Variants in GNG7 observed in about 807,000 individuals in gnomAD.
The protein encoded by GNG7 is G protein subunit gamma 7, also known as guanine nucleotide-binding protein G(I)/G(S)/G(O) subunit gamma-7.
Under a neutral mutation model 4.0 loss-of-function variants are expected in GNG7, and 1 was observed. That is an observed-to-expected ratio of 0.25 (90% CI 0.09 to 1.18). The LOEUF is 1.18. Ranked by LOEUF, GNG7 falls within the 50% of genes most tolerant of loss-of-function variation. The probability of loss-of-function intolerance (pLI) is 0.50; values close to 1 mark genes in which losing one functional copy is unlikely to be tolerated. For synonymous variants in GNG7, 34 were observed against 36.9 expected (o/e 0.92, Z 0.29); for missense variants, 86 against 91.9 (o/e 0.94, Z 0.26).
At chr19:2,553,594 T>C (rs968683585) in intron 3 of GNG7, among the ~76,000 whole-genome samples, 1 of 149,068 alleles carries the variant, frequency 6.7e-6, no homozygotes, top group Admixed American at 6.9e-5. Context: ...CACGCACATA[T>C]TACATGCAAT....
chr19:2,628,906 A>G (rs1195607561), intron 2 of GNG7, among the ~76,000 whole-genome samples: 2 of 152,264 alleles, frequency 1.3e-5, no homozygotes, highest in Middle Eastern at 3.4e-3. Flanking sequence ...TAACCACTGG[A>G]GTGACACCCC....
chr19:2,606,357 G>C (rs565486021), intron 2 of GNG7, among the ~76,000 whole-genome samples: 2 of 151,722 alleles, frequency 1.3e-5, no homozygotes, highest in South Asian at 4.2e-4. Flanking sequence ...GCGTGACAAA[G>C]TTAGACTCTG....
At chr19:2,535,819 A>G (rs1486762238) in intron 3 of GNG7, among the ~76,000 whole-genome samples, 2 of 152,102 alleles carry the variant, frequency 1.3e-5, no homozygotes, top group Non-Finnish European at 2.9e-5. Context: ...CTCTGACCCC[A>G]TCAAGTTCAT....
intron 3 of GNG7, among the ~76,000 whole-genome samples, chr19:2,522,149 C>G (rs1329416703): frequency 6.6e-6 from 1 of 152,104 alleles, no homozygotes; most frequent in African/African-American, 2.4e-5. Context: ...TGGGTGGAGG[C>G]CACGGATGCT....
At chr19:2,585,479 A>ATATTTGAG (rs111627511) in intron 2 of GNG7, among the ~76,000 whole-genome samples, 56,189 of 151,690 alleles carry the variant, frequency 0.37, 12,074 homozygotes, top group African/African-American at 0.58. Flanking sequence ...AACAGTTGGC[A>ATATTTGAG]TATTTGAGTA....
At position 2,513,162 on chromosome 19, in the gene GNG7, G is replaced by A. The variant is rs1243222533; in HGVS notation, c.*1860C>T. The stretch of plus-strand genomic sequence containing the variant: ...ACACACCCGGAGCCCTCTAGCCTTG[G>A]CGAGGTGGGAACCCTGGCAGTCACC... On this transcript the variant is annotated 3_prime_UTR_variant, in exon 5 of 5. Transcript: ENST00000382159. 1.0e-6 allele frequency: 1 copy of A among 980,424 alleles called. No homozygotes were observed. Among genetic ancestry groups the A allele is most frequent in the African/African-American group, 1.7e-5 (1 of 57,150 alleles). 60.7% of individuals were successfully genotyped at this position (980,424 alleles called of 1,614,324 possible). A position where few individuals can be genotyped will look rare whatever the true frequency, so the allele number is the denominator to read the frequency against.
At chr19:2,543,127 C>A (rs1206310896) in intron 3 of GNG7, among the ~76,000 whole-genome samples, 1 of 151,808 alleles carries the variant, frequency 6.6e-6, no homozygotes, top group Non-Finnish European at 1.5e-5. Flanking sequence ...CCATGTTGGC[C>A]AGGCTGGTCT....
At chr19:2,588,399 G>C (rs898096277) in intron 2 of GNG7, among the ~76,000 whole-genome samples, 1 of 152,218 alleles carries the variant, frequency 6.6e-6, no homozygotes, top group African/African-American at 2.4e-5. Flanking sequence ...TCTGCAAAGC[G>C]ACAGGTAGTA....
chr19:2,524,897 T>C (rs1208453931), intron 3 of GNG7, among the ~76,000 whole-genome samples: 2 of 152,206 alleles, frequency 1.3e-5, no homozygotes, highest in African/African-American at 4.8e-5. Context: ...TCTGCATGTG[T>C]ACATGCGTGT....
At chr19:2,543,812 C>A in intron 3 of GNG7, among the ~76,000 whole-genome samples, 1 of 152,098 alleles carries the variant, frequency 6.6e-6, no homozygotes, top group East Asian at 1.9e-4. Context: ...CGCGGCGTGC[C>A]GGGGTGAGTC....
chr19:2,531,325 A>G (rs1281370144), intron 3 of GNG7, among the ~76,000 whole-genome samples: 2 of 150,686 alleles, frequency 1.3e-5, no homozygotes, highest in Non-Finnish European at 2.9e-5. Flanking sequence ...AAAAAAAAAA[A>G]AAAGGAGTAA....
chr19:2,685,606 CAGAG>C (rs930186154), intron 1 of GNG7, among the ~76,000 whole-genome samples: 2 of 152,080 alleles, frequency 1.3e-5, no homozygotes, highest in African/African-American at 4.8e-5. Context: ...GCCTGGGTGA[CAGAG>C]GGAGACCCTG....
At position 2,553,694 on chromosome 19, in the gene GNG7, T is replaced by C. The variant is rs190843305; in HGVS notation, c.-38+1455A>G. Among the ~76,000 whole-genome samples the C allele has an allele frequency of 1.3e-3, 169 of 134,584 alleles. 8 individuals carry two copies. Among genetic ancestry groups the C allele is most frequent in the African/African-American group, 4.5e-3 (161 of 35,780 alleles). The allele number at this position is 134,584 out of a possible 152,430, so 88.3% of individuals were successfully genotyped here. On this transcript the variant is annotated intron_variant, in intron 3 of 4. Transcript: ENST00000382159. ...CATGTAATATGTTATATTACACACATGTGCACATTACATATAATATATTAC... is the reference window on the plus strand; with the variant it reads ...CATGTAATATGTTATATTACACACACGTGCACATTACATATAATATATTAC...
At chr19:2,701,669 C>A (rs1358508962) in intron 1 of GNG7, among the ~76,000 whole-genome samples, 2 of 149,576 alleles carry the variant, frequency 1.3e-5, no homozygotes, top group African/African-American at 5.0e-5. Context: ...CCCTCTGCAG[C>A]CCCCTCTCCA....
chr19:2,590,736 TCCAC>T (rs1172244563), intron 2 of GNG7, among the ~76,000 whole-genome samples: 1 of 149,994 alleles, frequency 6.7e-6, no homozygotes, highest in East Asian at 2.0e-4. Flanking sequence ...CATCCATCCA[TCCAC>T]CCACCCATCC....
rs142373586 is a variant in GNG7 at position 2,559,416 on chromosome 19, A to G, written c.-77-4228T>C. Among the ~76,000 whole-genome samples, 479 of 149,124 alleles carry G rather than the reference A, an allele frequency of 3.2e-3. 2 individuals carry two copies. Among genetic ancestry groups the G allele is most frequent in the African/African-American group, 0.011 (444 of 40,262 alleles). The stretch of plus-strand genomic sequence containing the variant: ...GCCCAGGCTGGAGTGCAATGGTGCA[A>G]TCTCAGCTCACTGCAGCCTCAGTCT... On this transcript the variant is annotated intron_variant, in intron 2 of 4. Coordinates refer to ENST00000382159, the MANE Select transcript of GNG7 (RefSeq NM_052847.3).
intron 1 of GNG7, among the ~76,000 whole-genome samples, chr19:2,687,985 G>A (rs1217574796): frequency 6.6e-6 from 1 of 151,840 alleles, no homozygotes; most frequent in African/African-American, 2.4e-5. Flanking sequence ...GGGCGCGGTG[G>A]CTCACGCCTG....
chr19:2,564,004 G>GA (rs1207452613), intron 2 of GNG7, among the ~76,000 whole-genome samples: 1 of 152,132 alleles, frequency 6.6e-6, no homozygotes, highest in Non-Finnish European at 1.5e-5. Flanking sequence ...AAACAGCAGG[G>GA]AAAAATCAAA....
chr19:2,560,936 G>A (rs117587330), intron 2 of GNG7, among the ~76,000 whole-genome samples: 6,209 of 143,564 alleles, frequency 0.043, 216 homozygotes, highest in Admixed American at 0.094. Flanking sequence ...CAGCCTGGGC[G>A]ACAGAAGGAG....
Sources: gnomAD v4.1 joint callset for allele counts (sites outside exome capture counted in the v4.1 genomes callset) on GRCh38, gnomAD v4.1.1 for gene constraint, MANE v1.5 for transcripts, NCBI Gene and HGNC (gene_info 2026-07-23, HGNC 2026-07-21) for gene names.